The following CRYBG1 variants were observed in gnomAD, a reference collection of about 807,000 sequenced individuals.
The protein encoded by CRYBG1 is beta/gamma crystallin domain-containing protein 1.
CRYBG1 carries 139 observed loss-of-function variants against 189.2 expected under a neutral mutation model. The observed-to-expected ratio is 0.73, with a 90% CI of 0.64 to 0.85. CRYBG1 has a LOEUF of 0.85. CRYBG1 is among the 40% of genes least tolerant of loss of function. The pLI is 0.00. For missense variants in CRYBG1, 2,611 were observed against 2,675.8 expected (o/e 0.98, Z 0.53); for synonymous variants, 1,023 against 1,017.1 (o/e 1.01, Z -0.11).
chr6:106,524,838 C>A (rs549700486), intron 4 of CRYBG1, among the ~76,000 whole-genome samples: 39 of 152,280 alleles, frequency 2.6e-4, no homozygotes, highest in African/African-American at 7.7e-4. Context: ...AGTTCCTATT[C>A]TGTGAACTGA....
chr6:106,556,910 T>C (rs1774563123), intron 17 of CRYBG1, among the ~76,000 whole-genome samples: 1 of 152,210 alleles, frequency 6.6e-6, no homozygotes, highest in Admixed American at 6.5e-5. Flanking sequence ...ATTGTTATTC[T>C]GCCTAGAATT....
intron 1 of CRYBG1, among the ~76,000 whole-genome samples, chr6:106,431,017 A>G (rs1189772325): frequency 1.3e-5 from 2 of 152,072 alleles, no homozygotes; most frequent in Non-Finnish European, 2.9e-5. Flanking sequence ...GTGTACCACC[A>G]TGCCTGGCTA....
chr6:106,541,500 A>G (rs943826089), intron 9 of CRYBG1, 86 bp from the exon 10 acceptor site: 22 of 1,262,886 alleles, frequency 1.7e-5, no homozygotes, highest in South Asian at 2.4e-5. Context: ...CTGAAATTCA[A>G]TGTTTTACTG....
chr6:106,435,174 T>C (rs1771430785), intron 1 of CRYBG1, among the ~76,000 whole-genome samples: 1 of 151,994 alleles, frequency 6.6e-6, no homozygotes, highest in Non-Finnish European at 1.5e-5. Flanking sequence ...TACAAAGTCA[T>C]TATTATTATT....
chr6:106,512,766 C>A lies in CRYBG1; in HGVS notation c.1649C>A (p.Pro550Gln). Residue 550 changes from proline (P) to glutamine (Q), a missense_variant, in exon 3 of 22, where the codon CCA becomes CAA. By Grantham distance (76) the Pro-to-Gln change is moderately conservative. Transcript: ENST00000633556. ...CCCAAGAGGGTGCCCGATCCCAGCC[C>A]AGTCACCAAGGGCACTGCGGCCGAG... ...SPPKRVPDPS[P>Q]VTKGTAAESG... 1 of 1,579,708 alleles carries A rather than the reference C, an allele frequency of 6.3e-7. No homozygotes were observed. The highest frequency in any genetic ancestry group is 8.6e-7 in the Non-Finnish European group (1 of 1,162,660).
chr6:106,560,953 A>G, intron 19 of CRYBG1, 27 bp downstream of exon 19: 1 of 1,541,712 alleles, frequency 6.5e-7, no homozygotes, highest in Non-Finnish European at 8.7e-7. Flanking sequence ...CATGCTCTGC[A>G]TAGACTCTTC....
intron 1 of CRYBG1, among the ~76,000 whole-genome samples, chr6:106,362,301 C>G (rs1242709344): frequency 2.0e-5 from 3 of 152,148 alleles, no homozygotes; most frequent in Middle Eastern, 6.8e-3. Flanking sequence ...GTCAATTTTA[C>G]GATCTATTTT....
At chr6:106,539,671 A>G (rs1047023406) in intron 9 of CRYBG1, 142 bp downstream of exon 9, 1 of 871,852 alleles carries the variant, frequency 1.1e-6, no homozygotes. Context: ...AATAGAAATC[A>G]TGGAAAGAAT....
Position 106,520,729 on chromosome 6 carries a change from C to T in CRYBG1, c.3521C>T (p.Ala1174Val). The T allele has an allele frequency of 6.2e-7, 1 of 1,614,138 alleles. No homozygotes were observed. Among genetic ancestry groups the T allele is most frequent in the Non-Finnish European group, 8.5e-7 (1 of 1,180,018 alleles). ...KKESQPEMSP[A>V]LHLMQNLDTK... ...GAAAGTCAGCCAGAAATGTCACCGGCTTTACATTTGATGCAGAACCTTGAC... is the reference window on the plus strand; with the variant it reads ...GAAAGTCAGCCAGAAATGTCACCGGTTTTACATTTGATGCAGAACCTTGAC... The change falls in exon 4 of 22, where the codon GCT becomes GTT. Residue 1174 changes from alanine (A) to valine (V), a missense_variant. Coordinates refer to ENST00000633556, the MANE Select transcript of CRYBG1 (RefSeq NM_001371242.2).
Position 106,377,302 on chromosome 6 carries a change from C to T in CRYBG1, c.173+16221C>T, listed in dbSNP as rs139136377. Among the ~76,000 whole-genome samples, 15 of 152,228 alleles carry T rather than the reference C, an allele frequency of 9.9e-5. No homozygotes were observed. In the East Asian group the frequency reaches 1.9e-3, roughly 20 times the overall value. On this transcript the variant is annotated intron_variant, in intron 1 of 21. Coordinates refer to ENST00000633556, the MANE Select transcript of CRYBG1 (RefSeq NM_001371242.2). ...GGTTTTGTGAGCTGAATGGATACCA[C>T]GTTTTTGGCATGCTCCCTTATATGA...
At position 106,517,797 on chromosome 6, in the gene CRYBG1, T is replaced by C. The variant is rs556042574; in HGVS notation, c.1923-1334T>C. Among the ~76,000 whole-genome samples the C allele has an allele frequency of 3.3e-5, 5 of 152,262 alleles. No homozygotes were observed. The South Asian group carries it at 1.0e-3, about 32-fold the overall frequency. On this transcript the variant is annotated intron_variant, in intron 3 of 21. Transcript: ENST00000633556. ...AGTAACTTGACCAGGTTCACACAGATAATTAGCATAAAAGCCAGGACCAGA... is the reference window on the plus strand; with the variant it reads ...AGTAACTTGACCAGGTTCACACAGACAATTAGCATAAAAGCCAGGACCAGA...
At chr6:106,392,304 A>G (rs976727103) in intron 1 of CRYBG1, among the ~76,000 whole-genome samples, 1 of 152,120 alleles carries the variant, frequency 6.6e-6, no homozygotes, top group East Asian at 1.9e-4. Flanking sequence ...AAGCTACCCC[A>G]TCATCTTGAA....
chr6:106,416,801 A>G (rs1771027748), intron 1 of CRYBG1, among the ~76,000 whole-genome samples: 1 of 152,174 alleles, frequency 6.6e-6, no homozygotes, highest in Non-Finnish European at 1.5e-5. Flanking sequence ...TATGCTGTTA[A>G]TACTTTTTAA....
At position 106,512,692 on chromosome 6, in the gene CRYBG1, GC is replaced by G; in HGVS notation, c.1578del (p.Ala527ProfsTer96). 6.5e-7 allele frequency: 1 copy of G among 1,529,534 alleles called. No individual in the cohort carries two copies. The highest frequency in any genetic ancestry group is 8.8e-7 in the Non-Finnish European group (1 of 1,137,820). 94.7% of individuals were successfully genotyped at this position (1,529,534 alleles called of 1,614,324 possible). On this transcript the variant is annotated frameshift_variant, in exon 3 of 22. Coordinates refer to ENST00000633556, the MANE Select transcript of CRYBG1 (RefSeq NM_001371242.2). LOFTEE classifies it high-confidence loss of function. The stretch of plus-strand genomic sequence containing the variant: ...GCAGGAGCCGTGCCCTCGAGGCCGT[GC>G]CCGCCCCGCCCGCCAGCGGCCCCCG... ...KGRSRALEAV[P>X]APPASGPRAP...
chr6:106,566,601 A>T (rs1218709137), intron 21 of CRYBG1, among the ~76,000 whole-genome samples: 1 of 149,070 alleles, frequency 6.7e-6, no homozygotes, highest in Non-Finnish European at 1.5e-5. Flanking sequence ...CCTCCTGAGT[A>T]GCTGGGATTA....
In CRYBG1 at chr6:106,520,672, A is replaced by G. The variant is rs1255368569; in HGVS notation, c.3464A>G (p.Lys1155Arg). 1.2e-6 allele frequency: 2 copies of G among 1,614,008 alleles called. No homozygotes were observed. Among genetic ancestry groups the G allele is most frequent in the African/African-American group, 2.7e-5 (2 of 74,894 alleles). ...EDHLEKVFDP[K>R]VFTFGLGKKK... Reference sequence around the variant, plus strand: ...CATTTAGAAAAGGTGTTTGATCCCAAAGTGTTTACCTTTGGTTTGGGGAAG... The same window carrying G: ...CATTTAGAAAAGGTGTTTGATCCCAGAGTGTTTACCTTTGGTTTGGGGAAG... Residue 1155 changes from lysine (K) to arginine (R), a missense_variant, in exon 4 of 22, where the codon AAA becomes AGA. Physicochemically the swap from Lys to Arg is conservative, Grantham distance 26 (BLOSUM62 2). Around this residue, in one of 3 missense-constraint regions of CRYBG1, gnomAD observed 1,622 missense variants for 1,735.0 expected, o/e 0.93. Coordinates refer to ENST00000633556, the MANE Select transcript of CRYBG1 (RefSeq NM_001371242.2).
rs1157053581 is a variant in CRYBG1, at chr6:106,569,319, C to A, written c.*753C>A. 1 of 152,182 alleles carries A rather than the reference C, an allele frequency of 6.6e-6. No homozygotes were observed. The highest frequency in any genetic ancestry group is 2.4e-5 in the African/African-American group (1 of 41,448). The allele number at this position is 152,182 out of a possible 1,614,324, so 9.4% of individuals were successfully genotyped here. ...ACTGCAGCCTCTACCTCCCCAGGCT[C>A]AGGTGATCCTCCCACCTCAGCCTCC... On this transcript the variant is annotated 3_prime_UTR_variant, in exon 22 of 22. Transcript: ENST00000633556.
At position 106,520,160 on chromosome 6, in the gene CRYBG1, G is replaced by A. The variant is rs1338476362; in HGVS notation, c.2952G>A (p.Val984=). 3 of 1,614,138 alleles carry A rather than the reference G, an allele frequency of 1.9e-6. No individual in the cohort carries two copies. Among genetic ancestry groups the A allele is most frequent in the South Asian group, 2.2e-5 (2 of 91,082 alleles). The change falls in exon 4 of 22, where the codon GTG becomes GTA. Residue 984 remains valine, a synonymous_variant. Transcript: ENST00000633556. The part of the protein sequence containing the change: ...VIPESSEVRE[V]QLPTCHSNEP... ...CAGAGAGCTCTGAAGTTAGAGAAGT[G>A]CAGTTGCCAACTTGTCACAGTAATG... is the stretch of plus-strand genomic sequence containing the variant.
intron 21 of CRYBG1, among the ~76,000 whole-genome samples, chr6:106,565,203 C>A (rs139455119): frequency 0.015 from 2,303 of 152,062 alleles, 32 homozygotes; most frequent in Non-Finnish European, 0.025. Context: ...CGCCTGTAGT[C>A]CCAGCTATTT....
Sources: allele counts gnomAD v4.1 joint callset (sites outside exome capture counted in the v4.1 genomes callset), GRCh38; gene constraint gnomAD v4.1.1; regional missense constraint gnomAD v4.1.1; transcripts MANE v1.5; gene names NCBI Gene and HGNC (gene_info 2026-07-23, HGNC 2026-07-21).